Variants in SYNJ2BP observed in about 807,000 individuals in gnomAD.
SYNJ2BP encodes the protein synaptojanin 2 binding protein, also known as synaptojanin-2-binding protein.
A neutral mutation model predicts 16.9 loss-of-function variants in SYNJ2BP; 10 were observed. The ratio of observed to expected loss-of-function variants is 0.59; its 90% CI spans 0.36 to 1.00. The LOEUF (loss-of-function observed/expected upper bound fraction) is 1.00, where lower values mean the gene tolerates loss of function less well. Among genes scored for constraint, SYNJ2BP ranks in the 50% least tolerant of loss-of-function variants. SYNJ2BP has a pLI of 0.01. For missense variants in SYNJ2BP, 162 were observed against 186.7 expected (o/e 0.87, Z 0.77); for synonymous variants, 54 against 68.4 (o/e 0.79, Z 1.04).
At chr14:70,391,745 A>G (rs1302883811) in intron 1 of SYNJ2BP, among the ~76,000 whole-genome samples, 1 of 152,234 alleles carries the variant, frequency 6.6e-6, no homozygotes, top group Admixed American at 6.5e-5. Context: ...GAAGAGTAGA[A>G]GAAATTTTAC....
chr14:70,376,643 T>C (rs74065328), intron 2 of SYNJ2BP, among the ~76,000 whole-genome samples: 2,332 of 152,306 alleles, frequency 0.015, 35 homozygotes, highest in South Asian at 0.035. Context: ...GTACTTTACA[T>C]ACATTATCTC....
At chr14:70,390,746 A>G (rs1887964019) in intron 1 of SYNJ2BP, among the ~76,000 whole-genome samples, 1 of 152,230 alleles carries the variant, frequency 6.6e-6, no homozygotes, top group South Asian at 2.1e-4. Flanking sequence ...TTACACCTGA[A>G]GCTCACAGTA....
In SYNJ2BP at chr14:70,372,704, T is replaced by A; in HGVS notation, c.*287A>T. On this transcript the variant is annotated 3_prime_UTR_variant, in exon 4 of 4. Coordinates refer to ENST00000256366, the MANE Select transcript of SYNJ2BP (RefSeq NM_018373.3). ...TGCCTATGGTGACAGGAAGACTCAA[T>A]CTTTCTCTCTTTGGGTTGTAGCTGA... 1 of 290,144 alleles carries A rather than the reference T, an allele frequency of 3.4e-6. No homozygotes were observed. Among genetic ancestry groups the A allele is most frequent in the East Asian group, 6.9e-5 (1 of 14,468 alleles). 18.0% of individuals were successfully genotyped at this position (290,144 alleles called of 1,614,324 possible).
chr14:70,387,808 G>A (rs1225064616), intron 2 of SYNJ2BP, among the ~76,000 whole-genome samples: 1 of 149,548 alleles, frequency 6.7e-6, no homozygotes, highest in Non-Finnish European at 1.5e-5. Flanking sequence ...TCCAGCCTGG[G>A]TGACAGAGCA....
intron 1 of SYNJ2BP, among the ~76,000 whole-genome samples, chr14:70,407,775 G>A (rs1279334913): frequency 1.3e-5 from 2 of 151,840 alleles, no homozygotes; most frequent in African/African-American, 4.8e-5. Context: ...ATTTGCTATC[G>A]CTTTTCACCC....
chr14:70,413,853 G>C (rs1348164293), intron 1 of SYNJ2BP, among the ~76,000 whole-genome samples: 4 of 152,146 alleles, frequency 2.6e-5, no homozygotes, highest in South Asian at 2.1e-4. Flanking sequence ...GAACACAAAG[G>C]GGGAATGGTA....
chr14:70,412,819 T>G (rs1888517456), intron 1 of SYNJ2BP, among the ~76,000 whole-genome samples: 1 of 152,046 alleles, frequency 6.6e-6, no homozygotes. Context: ...AAAACAAGAT[T>G]CCTAATCATA....
At chr14:70,397,643 C>T (rs913328684) in intron 1 of SYNJ2BP, among the ~76,000 whole-genome samples, 1 of 152,172 alleles carries the variant, frequency 6.6e-6, no homozygotes, top group African/African-American at 2.4e-5. Flanking sequence ...CTTGGAGATG[C>T]CAGGAACCGT....
At chr14:70,388,672 A>G in intron 1 of SYNJ2BP, 66 bp from the exon 2 acceptor site, 1 of 1,413,816 alleles carries the variant, frequency 7.1e-7, no homozygotes. Context: ...AGAGAAGATG[A>G]AGAGAAAGGG....
At chr14:70,379,527 C>T (rs201122456) in intron 2 of SYNJ2BP, among the ~76,000 whole-genome samples, 15 of 152,256 alleles carry the variant, frequency 9.9e-5, no homozygotes, top group South Asian at 2.1e-4. Flanking sequence ...ATTTATCTTC[C>T]AAGATTGATC....
chr14:70,396,318 C>CCTGCTCTGA, intron 1 of SYNJ2BP, among the ~76,000 whole-genome samples: 1 of 152,034 alleles, frequency 6.6e-6, no homozygotes, highest in Non-Finnish European at 1.5e-5. Context: ...AGGGTTTCAC[C>CCTGCTCTGA]ATGTTAGCCA....
At chr14:70,407,576 T>A (rs2140868701) in intron 1 of SYNJ2BP, among the ~76,000 whole-genome samples, 1 of 152,308 alleles carries the variant, frequency 6.6e-6, no homozygotes, top group East Asian at 1.9e-4. Context: ...CAGTAGACTT[T>A]TTCTACTATT....
intron 2 of SYNJ2BP, among the ~76,000 whole-genome samples, chr14:70,386,801 A>C (rs888656592): frequency 2.6e-5 from 4 of 152,210 alleles, no homozygotes; most frequent in African/African-American, 9.7e-5. Context: ...GTAATGTGAA[A>C]GGGAAAATTC....
intron 2 of SYNJ2BP, among the ~76,000 whole-genome samples, chr14:70,387,775 G>A (rs1453538771): frequency 2.7e-5 from 4 of 150,250 alleles, no homozygotes; most frequent in Non-Finnish European, 5.9e-5. Context: ...AGGTTGCGGT[G>A]AGCCAAGATT....
intron 1 of SYNJ2BP, 142 bp from the exon 2 acceptor site, chr14:70,388,748 A>G: frequency 7.8e-7 from 1 of 1,274,632 alleles, no homozygotes; most frequent in Non-Finnish European, 1.0e-6. Context: ...CCTGTGATGG[A>G]GCTGGTGAAT....
intron 2 of SYNJ2BP, among the ~76,000 whole-genome samples, chr14:70,379,939 T>C (rs1887711658): frequency 6.6e-6 from 1 of 152,196 alleles, no homozygotes; most frequent in Admixed American, 6.5e-5. Context: ...GATAACTGGG[T>C]CACTATATTA....
In SYNJ2BP at chr14:70,408,579, G is replaced by A. The variant is rs540921631; in HGVS notation, c.64+8321C>T. On this transcript the variant is annotated intron_variant, in intron 1 of 3. Transcript: ENST00000256366. ...TCCCAGCTACTTGGGAGGCTGAGGC[G>A]GGAGAATCGCTTGAACCCGGGAGGC... 8.6e-5 allele frequency among the ~76,000 whole-genome samples: 13 copies of A among 151,678 alleles called. No homozygotes were observed. The South Asian group carries it at 1.0e-3, about 12-fold the overall frequency.
chr14:70,408,508 TA>T lies in SYNJ2BP; in HGVS notation c.64+8391del, dbSNP rs533029519. Among the ~76,000 whole-genome samples, 474 of 152,004 alleles carry T rather than the reference TA, an allele frequency of 3.1e-3. 1 individual carries two copies. Among genetic ancestry groups the T allele is most frequent in the Non-Finnish European group, 5.1e-3 (349 of 67,944 alleles). ...CAACATGGTGAAACCCCATCTCTAC[TA>T]AAAATACAGAAAAATTAGCCAGGTG... is the stretch of plus-strand genomic sequence containing the variant. On this transcript the variant is annotated intron_variant, in intron 1 of 3. Transcript: ENST00000256366.
chr14:70,412,837 A>G (rs1031503655), intron 1 of SYNJ2BP, among the ~76,000 whole-genome samples: 1 of 152,274 alleles, frequency 6.6e-6, no homozygotes, highest in Non-Finnish European at 1.5e-5. Context: ...ATAGTACTCA[A>G]TGTACAGTAA....
Sources: gnomAD v4.1 joint callset for allele counts (sites outside exome capture counted in the v4.1 genomes callset) on GRCh38, gnomAD v4.1.1 for gene constraint, MANE v1.5 for transcripts, NCBI Gene and HGNC (gene_info 2026-07-23, HGNC 2026-07-21) for gene names.